The following PDE1C variants were observed in gnomAD, a reference collection of about 807,000 sequenced individuals.
The protein encoded by PDE1C is phosphodiesterase 1C, also known as dual specificity calcium/calmodulin-dependent 3',5'-cyclic nucleotide phosphodiesterase 1C.
Under a neutral mutation model 93.1 loss-of-function variants are expected in PDE1C, and 62 were observed. That is an observed-to-expected ratio of 0.67 (90% confidence interval 0.54 to 0.82). PDE1C has a LOEUF of 0.82. PDE1C is among the 40% of genes least tolerant of loss of function. PDE1C has a pLI of 0.00. For missense variants in PDE1C, 742 were observed against 884.6 expected (o/e 0.84, Z 2.04); for synonymous variants, 325 against 310.1 (o/e 1.05, Z -0.50).
At chr7:31,796,302 T>C (rs939715438) in intron 16 of PDE1C, among the ~76,000 whole-genome samples, 3 of 151,594 alleles carry the variant, frequency 2.0e-5, no homozygotes, top group African/African-American at 7.3e-5. Context: ...TGTACATATA[T>C]ATGTGTATGT....
At chr7:32,000,991 T>C (rs1785383849) in intron 2 of PDE1C, among the ~76,000 whole-genome samples, 1 of 139,760 alleles carries the variant, frequency 7.2e-6, no homozygotes, top group South Asian at 2.3e-4. Flanking sequence ...TGTGTGTGTA[T>C]ACGTGTGTGT....
chr7:32,416,249 TC>T (rs1483664107), intron 1 of PDE1C, among the ~76,000 whole-genome samples: 1 of 152,110 alleles, frequency 6.6e-6, no homozygotes, highest in Non-Finnish European at 1.5e-5. Context: ...CCTTTCTGAT[TC>T]CCCCTGGACA....
chr7:31,629,284 A>T, the PDE1C span, among the ~76,000 whole-genome samples: 36 of 19,066 alleles, frequency 1.9e-3, no homozygotes, highest in African/African-American at 2.5e-3. Context: ...TAAACAACAC[A>T]ATCTTTATAT....
chr7:31,774,984 A>C (rs1795734084), intron 17 of PDE1C, among the ~76,000 whole-genome samples: 1 of 152,194 alleles, frequency 6.6e-6, no homozygotes, highest in Admixed American at 6.5e-5. Flanking sequence ...GTTAAAATTA[A>C]ATAAAAATTA....
At chr7:31,804,285 A>G (rs1030010833) in intron 16 of PDE1C, among the ~76,000 whole-genome samples, 1 of 151,846 alleles carries the variant, frequency 6.6e-6, no homozygotes, top group Non-Finnish European at 1.5e-5. Context: ...GACAAATATG[A>G]GTCTTTTACC....
At chr7:31,967,401 C>A (rs1212260449) in intron 2 of PDE1C, among the ~76,000 whole-genome samples, 7 of 152,148 alleles carry the variant, frequency 4.6e-5, no homozygotes, top group African/African-American at 1.7e-4. Flanking sequence ...TCTCCCAAGA[C>A]TAAACCAGGA....
chr7:32,369,701 G>A (rs1784289614), intron 1 of PDE1C, among the ~76,000 whole-genome samples: 2 of 152,150 alleles, frequency 1.3e-5, no homozygotes, highest in African/African-American at 4.8e-5. Context: ...GTTTACTGTA[G>A]TACTATTCAC....
At chr7:31,785,740 A>AAAC (rs1440972964) in intron 16 of PDE1C, 3 of 152,142 alleles carry the variant, frequency 2.0e-5, no homozygotes, top group Non-Finnish European at 4.4e-5. Flanking sequence ...ATGATCAGAT[A>AAAC]AACTGTCTAA....
At chr7:32,212,720 C>T (rs1349611679) in intron 1 of PDE1C, among the ~76,000 whole-genome samples, 3 of 152,158 alleles carry the variant, frequency 2.0e-5, no homozygotes, top group South Asian at 4.1e-4. Flanking sequence ...CTTACTCATC[C>T]TTTAAGATCC....
At chr7:31,649,217 A>C in the PDE1C span, among the ~76,000 whole-genome samples, 1 of 152,240 alleles carries the variant, frequency 6.6e-6, no homozygotes, top group Non-Finnish European at 1.5e-5. Flanking sequence ...TACTCTTAGG[A>C]AAGTATTTCC....
At chr7:31,851,697 TTTG>T (rs1444545502) in intron 7 of PDE1C, among the ~76,000 whole-genome samples, 2 of 152,232 alleles carry the variant, frequency 1.3e-5, no homozygotes, top group South Asian at 2.1e-4. Flanking sequence ...ATAAATTGTA[TTTG>T]TTATTATAAT....
chr7:31,694,383 C>G, the PDE1C span, among the ~76,000 whole-genome samples: 1 of 143,746 alleles, frequency 7.0e-6, no homozygotes, highest in African/African-American at 2.7e-5. Context: ...CTCTCTCTCT[C>G]TCAAACACAC....
intron 2 of PDE1C, chr7:32,170,083 A>G (rs1199519904): frequency 7.5e-6 from 6 of 800,080 alleles, no homozygotes; most frequent in Non-Finnish European, 1.2e-5. Flanking sequence ...CATCTCCGCC[A>G]ACATTACAGA....
chr7:31,632,833 G>C, the PDE1C span, among the ~76,000 whole-genome samples: 2 of 152,080 alleles, frequency 1.3e-5, no homozygotes, highest in Non-Finnish European at 2.9e-5. Flanking sequence ...TGCCCTGTGA[G>C]AGCTGATTTA....
chr7:32,293,418 C>T (rs927683044), intron 1 of PDE1C, among the ~76,000 whole-genome samples: 1 of 152,270 alleles, frequency 6.6e-6, no homozygotes. Context: ...GGGCTGCTCT[C>T]GGTCGAAGTG....
intron 2 of PDE1C, among the ~76,000 whole-genome samples, chr7:32,193,478 T>A (rs1035640466): frequency 6.6e-6 from 1 of 152,204 alleles, no homozygotes. Flanking sequence ...TGAATGATAC[T>A]TGCATCCATA....
chr7:31,620,709 T>C, the PDE1C span, among the ~76,000 whole-genome samples: 1 of 151,884 alleles, frequency 6.6e-6, no homozygotes, highest in Non-Finnish European at 1.5e-5. Flanking sequence ...GCACCTCTCC[T>C]CCTCCAAAGG....
At chr7:32,144,456 A>T (rs541650424) in intron 3 of PDE1C, among the ~76,000 whole-genome samples, 2 of 152,318 alleles carry the variant, frequency 1.3e-5, no homozygotes, top group African/African-American at 4.8e-5. Context: ...ATCTCCAGGC[A>T]ATCATCATGG....
chr7:31,730,827 G>C, the PDE1C span, among the ~76,000 whole-genome samples: 5 of 151,938 alleles, frequency 3.3e-5, no homozygotes, highest in East Asian at 9.8e-4. Flanking sequence ...TGAGTGGATG[G>C]AAGAAATGTA....
Sources: allele counts gnomAD v4.1 joint callset (sites outside exome capture counted in the v4.1 genomes callset), GRCh38; gene constraint gnomAD v4.1.1; transcripts MANE v1.5; gene names NCBI Gene and HGNC (gene_info 2026-07-23, HGNC 2026-07-21).